Variants in MICU2 observed in about 807,000 individuals in gnomAD.
The protein encoded by MICU2 is mitochondrial calcium uptake 2.
A neutral mutation model predicts 60.4 loss-of-function variants in MICU2; 64 were observed. That is an observed-to-expected ratio of 1.06 (90% CI 0.87 to 1.31). The LOEUF (loss-of-function observed/expected upper bound fraction) is 1.31, where lower values mean the gene tolerates loss of function less well. Among genes scored for constraint, MICU2 ranks in the 50% most tolerant of loss-of-function variants. MICU2 has a pLI of 0.00. For synonymous variants in MICU2, 201 were observed against 175.0 expected (o/e 1.15, Z -1.17); for missense variants, 569 against 531.0 (o/e 1.07, Z -0.70).
intron 2 of MICU2, among the ~76,000 whole-genome samples, chr13:21,541,699 G>A (rs1457457371): frequency 6.6e-6 from 1 of 152,110 alleles, no homozygotes; most frequent in Non-Finnish European, 1.5e-5. Context: ...TTCAAAAACA[G>A]GTGTTAGACT....
chr13:21,526,708 C>T (rs1430057526), intron 4 of MICU2, among the ~76,000 whole-genome samples: 7 of 151,990 alleles, frequency 4.6e-5, no homozygotes, highest in Admixed American at 1.3e-4. Context: ...TTTAATTAAG[C>T]GGATGTGGTA....
chr13:21,582,419 A>C (rs1566168514), intron 1 of MICU2, among the ~76,000 whole-genome samples: 1 of 152,222 alleles, frequency 6.6e-6, no homozygotes, highest in Non-Finnish European at 1.5e-5. Flanking sequence ...TCAATAAGAA[A>C]AAAAGCCAAC....
chr13:21,597,680 C>A (rs1240945728), intron 1 of MICU2, among the ~76,000 whole-genome samples: 1 of 151,958 alleles, frequency 6.6e-6, no homozygotes, highest in Non-Finnish European at 1.5e-5. Flanking sequence ...GTAATCCCAG[C>A]AGGGATTTTG....
intron 8 of MICU2, among the ~76,000 whole-genome samples, chr13:21,505,258 T>C (rs1194190949): frequency 6.6e-6 from 1 of 151,944 alleles, no homozygotes; most frequent in Non-Finnish European, 1.5e-5. Flanking sequence ...AGAAAAGAAA[T>C]GCAGAAGAAG....
At chr13:21,532,782 C>G (rs1156544662) in intron 4 of MICU2, among the ~76,000 whole-genome samples, 3 of 152,118 alleles carry the variant, frequency 2.0e-5, no homozygotes, top group African/African-American at 7.2e-5. Context: ...CACTGGTGAT[C>G]ATGACAAAAC....
At position 21,495,258 on chromosome 13, in the gene MICU2, T is replaced by C; in HGVS notation, c.1103A>G (p.Asp368Gly). 6.2e-7 allele frequency: 1 copy of C among 1,613,306 alleles called. No individual in the cohort carries two copies. The change falls in exon 11 of 12, where the codon GAC (aspartate) becomes GGC (glycine). Residue 368 changes from aspartate (D) to glycine (G), a missense_variant. By Grantham distance (94) the Asp-to-Gly change is moderately conservative. Transcript: ENST00000382374. ...TGQELSNNIL[D>G]TVFKIFDLDG... is the part of the protein sequence containing the mutation. ...CAAATCAAAGATCTTAAAGACAGTG[T>C]CCAAAATATTGTTTGAGAGTTCTTG...
At position 21,603,927 on chromosome 13, in the gene MICU2, T is replaced by G; in HGVS notation, c.210+12A>C. On this transcript the variant is annotated intron_variant, in intron 1 of 11. Transcript: ENST00000382374. The stretch of plus-strand genomic sequence containing the variant: ...GCTTGACTGGGGCTAGCAGAAGGAG[T>G]TAGTCCTGTACCTGTGCGGAGACTG... 6.2e-7 allele frequency: 1 copy of G among 1,611,072 alleles called. No homozygotes were observed. The highest frequency in any genetic ancestry group is 8.5e-7 in the Non-Finnish European group (1 of 1,178,992).
In MICU2 at chr13:21,503,715, G is replaced by A. The variant is rs368971947; in HGVS notation, c.762-618C>T. Among the ~76,000 whole-genome samples, 324 of 152,286 alleles carry A rather than the reference G, an allele frequency of 2.1e-3. 1 individual carries two copies. Among genetic ancestry groups the A allele is most frequent in the African/African-American group, 7.5e-3 (310 of 41,554 alleles). ...CAATGGCTTCCCAGGAAAGGGACACGTTGAAAAGATATCAGATGAAAATAT... is the reference window on the plus strand; with the variant it reads ...CAATGGCTTCCCAGGAAAGGGACACATTGAAAAGATATCAGATGAAAATAT... On this transcript the variant is annotated intron_variant, in intron 8 of 11. Coordinates refer to ENST00000382374, the MANE Select transcript of MICU2 (RefSeq NM_152726.3).
chr13:21,598,659 T>C (rs911674854), intron 1 of MICU2, among the ~76,000 whole-genome samples: 4 of 151,978 alleles, frequency 2.6e-5, no homozygotes, highest in Admixed American at 1.3e-4. Context: ...GAGGTTGCAG[T>C]GAGTCGAGAT....
chr13:21,527,259 C>T (rs577651321), intron 4 of MICU2, among the ~76,000 whole-genome samples: 3 of 152,072 alleles, frequency 2.0e-5, no homozygotes, highest in Non-Finnish European at 2.9e-5. Flanking sequence ...TTTCATTCTT[C>T]GGCAGCCTTA....
intron 4 of MICU2, among the ~76,000 whole-genome samples, chr13:21,537,474 T>C (rs78519330): frequency 0.19 from 28,501 of 149,858 alleles, 3,658 homozygotes; most frequent in East Asian, 0.66. Flanking sequence ...TCTTTCTTTT[T>C]TTTTTTTTTT....
chr13:21,563,347 C>T (rs961198033), intron 2 of MICU2, among the ~76,000 whole-genome samples: 18 of 151,454 alleles, frequency 1.2e-4, no homozygotes, highest in African/African-American at 1.2e-4. Context: ...CCCAGCTACT[C>T]GGGAGGCTGA....
chr13:21,576,465 T>C (rs536589594), intron 1 of MICU2, among the ~76,000 whole-genome samples: 1 of 152,286 alleles, frequency 6.6e-6, no homozygotes, highest in South Asian at 2.1e-4. Flanking sequence ...TTTAGGATAT[T>C]ATATCCTATA....
chr13:21,498,820 G>A (rs1279042887), intron 9 of MICU2, among the ~76,000 whole-genome samples: 28 of 93,778 alleles, frequency 3.0e-4, no homozygotes, highest in Non-Finnish European at 3.9e-4. Context: ...AGGGAAAAAA[G>A]GAAAAAAAAA....
At chr13:21,544,694 C>T (rs1887374147) in intron 2 of MICU2, among the ~76,000 whole-genome samples, 1 of 151,950 alleles carries the variant, frequency 6.6e-6, no homozygotes, top group Non-Finnish European at 1.5e-5. Context: ...GCTCTGTTGC[C>T]CAGGCTAGAG....
At chr13:21,558,961 A>C (rs1887773386) in intron 2 of MICU2, among the ~76,000 whole-genome samples, 1 of 152,074 alleles carries the variant, frequency 6.6e-6, no homozygotes. Flanking sequence ...CTGAGGGGAG[A>C]GGAAACCCTC....
At chr13:21,556,785 T>C (rs1248039135) in intron 2 of MICU2, among the ~76,000 whole-genome samples, 1 of 151,598 alleles carries the variant, frequency 6.6e-6, no homozygotes, top group Admixed American at 6.6e-5. Flanking sequence ...ATTATAAATG[T>C]GAAAAAAGGA....
intron 7 of MICU2, among the ~76,000 whole-genome samples, chr13:21,512,385 C>A (rs1456496062): frequency 1.3e-5 from 2 of 151,856 alleles, no homozygotes; most frequent in African/African-American, 4.8e-5. Flanking sequence ...TATCTTCTTC[C>A]ATTATGTTGG....
At chr13:21,568,330 G>A (rs1888030928) in intron 1 of MICU2, among the ~76,000 whole-genome samples, 1 of 151,642 alleles carries the variant, frequency 6.6e-6, no homozygotes, top group Admixed American at 6.6e-5. Flanking sequence ...CACCTCTTTT[G>A]TGTTGTCAGT....
Sources: gnomAD v4.1 joint callset for allele counts (sites outside exome capture counted in the v4.1 genomes callset) on GRCh38, gnomAD v4.1.1 for gene constraint, MANE v1.5 for transcripts, NCBI Gene and HGNC (gene_info 2026-07-23, HGNC 2026-07-21) for gene names.